The following UNC80 variants were observed in gnomAD, a reference collection of about 807,000 sequenced individuals.
UNC80 encodes the protein protein unc-80 homolog.
In UNC80, 164 loss-of-function variants were observed where a neutral mutation model predicts 384.6. The observed-to-expected ratio is 0.43, with a 90% confidence interval of 0.38 to 0.49. The LOEUF (loss-of-function observed/expected upper bound fraction) is 0.49, where lower values mean the gene tolerates loss of function less well. Ranked by LOEUF, UNC80 falls within the 20% of genes least tolerant of loss-of-function variation. The pLI, the probability that UNC80 is intolerant of heterozygous loss-of-function variation, is 0.00. For missense variants in UNC80, 3,330 were observed against 4,143.0 expected, an observed-to-expected ratio of 0.80 and a Z score of 5.39; for synonymous variants, 1,486 against 1,527.8, an observed-to-expected ratio of 0.97 and a Z score of 0.64.
rs1402866464 is a variant in UNC80, at chr2:209,873,020, G to C, written c.3840+50G>C. On this transcript the variant is annotated intron_variant, in intron 23 of 64. Coordinates refer to ENST00000673920, the MANE Select transcript of UNC80 (RefSeq NM_001371986.1). Reference sequence around the variant, plus strand: ...ACAATTAGGTTGCTTAAGTGAAGTGGAGTCATTTTTTGATTGATTGTGTTT... The same window carrying C: ...ACAATTAGGTTGCTTAAGTGAAGTGCAGTCATTTTTTGATTGATTGTGTTT... 4 of 1,492,588 alleles carry C rather than the reference G, an allele frequency of 2.7e-6. No homozygotes were observed. The South Asian group carries it at 3.6e-5, about 14-fold the overall frequency. 92.5% of individuals were successfully genotyped at this position (1,492,588 alleles called of 1,614,324 possible). A position where few individuals can be genotyped will look rare whatever the true frequency, so the allele number is the denominator to read the frequency against.
chr2:209,888,255 A>G lies in UNC80; in HGVS notation c.4271A>G (p.Lys1424Arg). The part of the protein sequence containing the change: ...TLKSDAGVEE[K>R]KVPSRKIRIG... Reference sequence around the variant, plus strand: ...AAATCAGATGCAGGAGTCGAGGAGAAGAAAGGTATGGAAACACAAAGGTTC... The same window carrying G: ...AAATCAGATGCAGGAGTCGAGGAGAGGAAAGGTATGGAAACACAAAGGTTC... Residue 1424 changes from lysine (K) to arginine (R), a missense_variant, in exon 26 of 65, where the codon AAG becomes AGG. Around this residue, in one of 8 missense-constraint regions of UNC80, gnomAD observed 801 missense variants for 950.8 expected, o/e 0.84. Transcript: ENST00000673920. The G allele has an allele frequency of 6.4e-7, 1 of 1,551,692 alleles. No individual in the cohort carries two copies. The highest frequency in any genetic ancestry group is 1.2e-5 in the South Asian group (1 of 84,056).
chr2:209,866,529 C>CACACACACACACAT (rs1553556972), intron 22 of UNC80, among the ~76,000 whole-genome samples: 12 of 126,612 alleles, frequency 9.5e-5, no homozygotes, highest in Middle Eastern at 4.0e-3. Flanking sequence ...CACACACACA[C>CACACACACACACAT]ACACAGAGAG....
Position 209,969,760 on chromosome 2 carries a change from T to C in UNC80, c.8007-8T>C. Reference sequence around the variant, plus strand: ...CAAGACGCTAATGGCGCCTATATTGTATTCCAGGCGACAGGTTGAGTGGGA... The same window carrying C: ...CAAGACGCTAATGGCGCCTATATTGCATTCCAGGCGACAGGTTGAGTGGGA... On this transcript the variant is annotated splice_region_variant and splice_polypyrimidine_tract_variant and intron_variant, in intron 52 of 64. Transcript: ENST00000673920. 1 of 1,551,654 alleles carries C rather than the reference T, an allele frequency of 6.4e-7. No homozygotes were observed. Among genetic ancestry groups the C allele is most frequent in the South Asian group, 1.2e-5 (1 of 84,060 alleles).
chr2:209,846,541 G>A (rs1378724795), intron 21 of UNC80, among the ~76,000 whole-genome samples: 1 of 151,878 alleles, frequency 6.6e-6, no homozygotes, highest in East Asian at 1.9e-4. Context: ...AAGTGTATAT[G>A]ATAATGATTT....
chr2:209,805,419 G>A (rs376976236), intron 7 of UNC80, among the ~76,000 whole-genome samples: 2 of 152,182 alleles, frequency 1.3e-5, no homozygotes, highest in South Asian at 2.1e-4. Context: ...AACAAAGGAC[G>A]TTTATTTTTT....
At chr2:209,864,765 C>A (rs554552615) in intron 22 of UNC80, among the ~76,000 whole-genome samples, 1 of 152,342 alleles carries the variant, frequency 6.6e-6, no homozygotes, top group African/African-American at 2.4e-5. Context: ...CCACCCTTCC[C>A]CTGCCCAGGG....
chr2:209,915,769 G>C (rs6711347), intron 31 of UNC80, among the ~76,000 whole-genome samples: 1 of 152,106 alleles, frequency 6.6e-6, no homozygotes, highest in East Asian at 1.9e-4. Flanking sequence ...TAATGGGTAC[G>C]AACCTACAGT....
chr2:209,923,261 T>C (rs1027150933), intron 35 of UNC80, among the ~76,000 whole-genome samples: 5 of 152,194 alleles, frequency 3.3e-5, no homozygotes, highest in African/African-American at 1.2e-4. Context: ...TAAGAAACAA[T>C]TGTCTAATCC....
rs1354113574 is a variant in UNC80 at position 209,872,888 on chromosome 2, G to A, written c.3758G>A (p.Arg1253Gln). ...HVNITKKGLS[R>Q]GRSPIVGNKR... is the part of the protein sequence containing the mutation. ...AACATCACCAAGAAAGGACTTTCCC[G>A]GGGACGCTCTCCCATTGTGGGCAAC... The change falls in exon 23 of 65, where the codon CGG becomes CAG. Residue 1253 changes from arginine (R) to glutamine (Q), a missense_variant. Around this residue, in one of 8 missense-constraint regions of UNC80, gnomAD observed 801 missense variants for 950.8 expected, o/e 0.84. Transcript: ENST00000673920. The surrounding 1 kb of genome is among the most constrained non-coding windows in gnomAD (Gnocchi z 4.1). The A allele has an allele frequency of 1.9e-6, 3 of 1,551,474 alleles. No homozygotes were observed. The highest frequency in any genetic ancestry group is 1.2e-5 in the South Asian group (1 of 84,044).
intron 21 of UNC80, among the ~76,000 whole-genome samples, chr2:209,842,851 A>C (rs2124823676): frequency 6.6e-6 from 1 of 152,356 alleles, no homozygotes; most frequent in Middle Eastern, 3.4e-3. Flanking sequence ...TTATAACTTT[A>C]CAAAGCAACC....
At chr2:209,775,794 C>G (rs1381669456) in intron 2 of UNC80, 95 bp from the exon 3 acceptor site, 11 of 1,276,400 alleles carry the variant, frequency 8.6e-6, no homozygotes, top group Non-Finnish European at 1.2e-5. Flanking sequence ...CAGTACCTTG[C>G]TGTTCATTTT....
chr2:209,813,534 A>G, intron 7 of UNC80, 46 bp from the exon 8 acceptor site: 4 of 1,529,988 alleles, frequency 2.6e-6, no homozygotes, highest in Non-Finnish European at 3.5e-6. Flanking sequence ...TGCCCCTCTG[A>G]AAGCTTGATT....
Position 209,880,946 on chromosome 2 carries a change from A to T in UNC80, c.3977-15A>T. 1 of 1,551,058 alleles carries T rather than the reference A, an allele frequency of 6.4e-7. No homozygotes were observed. The highest frequency in any genetic ancestry group is 8.7e-7 in the Non-Finnish European group (1 of 1,146,566). On this transcript the variant is annotated splice_polypyrimidine_tract_variant and intron_variant, in intron 24 of 64. Coordinates refer to ENST00000673920, the MANE Select transcript of UNC80 (RefSeq NM_001371986.1). ...TTGATTTGTCTCCTTATGAAAGAACACTTTCATTTCCTAGGTACTGTGAAC... is the reference window on the plus strand; with the variant it reads ...TTGATTTGTCTCCTTATGAAAGAACTCTTTCATTTCCTAGGTACTGTGAAC...
chr2:209,940,658 A>C (rs2091566361), intron 43 of UNC80, among the ~76,000 whole-genome samples: 1 of 152,094 alleles, frequency 6.6e-6, no homozygotes, highest in South Asian at 2.1e-4. Flanking sequence ...TACTAAAAAT[A>C]CAAAAAAAAT....
Position 209,917,793 on chromosome 2 carries a change from G to T in UNC80, c.5046G>T (p.Leu1682=). 1.3e-6 allele frequency: 2 copies of T among 1,552,144 alleles called. No homozygotes were observed. The highest frequency in any genetic ancestry group is 1.7e-6 in the Non-Finnish European group (2 of 1,147,074). ...MAGAAAAMFL[L]CAVKVPEAVS... is the part of the protein sequence containing the mutation. ...TGTCTCTAGCTGCCATGTTCCTGCT[G>T]TGTGCAGTGAAGGTGCCTGAGGCCG... Residue 1682 remains leucine (L), a synonymous_variant, in exon 32 of 65, where the codon CTG becomes CTT. Transcript: ENST00000673920.
chr2:209,933,586 G>A (rs2091044554), intron 38 of UNC80, among the ~76,000 whole-genome samples: 2 of 151,348 alleles, frequency 1.3e-5, no homozygotes, highest in Non-Finnish European at 2.9e-5. Flanking sequence ...GGAATGATCT[G>A]CTTTTTTCTT....
chr2:209,952,823 C>T (rs2092246772), intron 47 of UNC80, among the ~76,000 whole-genome samples: 1 of 152,128 alleles, frequency 6.6e-6, no homozygotes, highest in African/African-American at 2.4e-5. Context: ...GACTTCTTGC[C>T]TCCTTTTTCA....
In UNC80 at chr2:209,793,878, A is replaced by C; in HGVS notation, c.938+19A>C. On this transcript the variant is annotated intron_variant, in intron 7 of 64. Coordinates refer to ENST00000673920, the MANE Select transcript of UNC80 (RefSeq NM_001371986.1). ...ATTCCAGGTACCTGATTGCAATGTT[A>C]GGGACAAAATGTGTCACTGGTCACC... 6.2e-7 allele frequency: 1 copy of C among 1,613,226 alleles called. No homozygotes were observed. The highest frequency in any genetic ancestry group is 1.1e-5 in the South Asian group (1 of 91,002).
intron 42 of UNC80, among the ~76,000 whole-genome samples, chr2:209,938,240 C>T (rs1246861670): frequency 1.3e-5 from 2 of 152,164 alleles, no homozygotes; most frequent in Non-Finnish European, 2.9e-5. Flanking sequence ...TAAGGAAAGT[C>T]ACTATTCTGC....
Sources: gnomAD v4.1 joint callset for allele counts (sites outside exome capture counted in the v4.1 genomes callset) on GRCh38, gnomAD v4.1.1 for gene constraint, gnomAD v4.1.1 regional missense constraint, Gnocchi (gnomAD v3.1) non-coding constraint, MANE v1.5 for transcripts, NCBI Gene and HGNC (gene_info 2026-07-23, HGNC 2026-07-21) for gene names.